Variants in PPFIA4 observed in about 807,000 individuals in gnomAD.
The protein encoded by PPFIA4 is liprin-alpha-4.
PPFIA4 carries 98 observed loss-of-function variants against 145.7 expected under a neutral mutation model. The observed-to-expected ratio is 0.67, with a 90% CI of 0.57 to 0.80. The LOEUF (loss-of-function observed/expected upper bound fraction) is 0.80, where lower values mean the gene tolerates loss of function less well. Ranked by LOEUF, PPFIA4 falls within the 30% of genes least tolerant of loss-of-function variation. The probability of loss-of-function intolerance (pLI) is 0.00; values close to 1 mark genes in which losing one functional copy is unlikely to be tolerated. For missense variants in PPFIA4, 1,457 were observed against 1,632.7 expected (o/e 0.89, Z 1.85); for synonymous variants, 628 against 649.6 (o/e 0.97, Z 0.51).
At position 203,048,359 on chromosome 1, in the gene PPFIA4, G is replaced by A. The variant is rs950373544; in HGVS notation, c.1224+49G>A. On this transcript the variant is annotated intron_variant, in intron 10 of 29. Transcript: ENST00000295706. This position sits in a 1 kb window ranked among gnomAD's most constrained non-coding sequence, Gnocchi z 5.8. ...CAGGCCCCCTCCTTCCCGCAGGACAGGCTCCCAGGGCGGTCTGTGGAAGGG... is the reference window on the plus strand; with the variant it reads ...CAGGCCCCCTCCTTCCCGCAGGACAAGCTCCCAGGGCGGTCTGTGGAAGGG... The A allele has an allele frequency of 7.6e-6, 12 of 1,584,272 alleles. No individual in the cohort carries two copies. Among genetic ancestry groups the A allele is most frequent in the Non-Finnish European group, 1.0e-5 (12 of 1,162,932 alleles).
chr1:203,076,485 A>G lies in PPFIA4; in HGVS notation c.*95A>G. The G allele has an allele frequency of 7.8e-7, 1 of 1,274,062 alleles. No homozygotes were observed. Among genetic ancestry groups the G allele is most frequent in the Non-Finnish European group, 1.1e-6 (1 of 887,696 alleles). 78.9% of individuals were successfully genotyped at this position (1,274,062 alleles called of 1,614,324 possible). ...CGTTCCCCTTCCTTCCGCAGCTCCT[A>G]GTCTCGTCCGTGACTTTCCGGTTGC... On this transcript the variant is annotated 3_prime_UTR_variant, in exon 30 of 30. Transcript: ENST00000295706.
At chr1:203,070,655 T>C (rs1346770779) in intron 27 of PPFIA4, among the ~76,000 whole-genome samples, 2 of 151,628 alleles carry the variant, frequency 1.3e-5, no homozygotes. Flanking sequence ...GTTTTTGGCA[T>C]TTCTGAAAAC....
Position 203,075,683 on chromosome 1 carries a change from C to T in PPFIA4, c.3500C>T (p.Pro1167Leu), listed in dbSNP as rs1429089497. 1.3e-6 allele frequency: 2 copies of T among 1,493,786 alleles called. No homozygotes were observed. The highest frequency in any genetic ancestry group is 1.8e-6 in the Non-Finnish European group (2 of 1,119,494). The allele number at this position is 1,493,786 out of a possible 1,614,324, so 92.5% of individuals were successfully genotyped here. Residue 1167 changes from proline to leucine, a missense_variant, in exon 29 of 30, where the codon CCG (proline) becomes CTG (leucine). By Grantham distance (98) the Pro-to-Leu change is moderately conservative. Around this residue, in one of 3 missense-constraint regions of PPFIA4, gnomAD observed 146 missense variants for 126.2 expected, o/e 1.16. Coordinates refer to ENST00000295706, the MANE Select transcript of PPFIA4 (RefSeq NM_001304331.2). The surrounding 1 kb of genome is among the most constrained non-coding windows in gnomAD (Gnocchi z 4.1). ...GMLSASAETL[P>L]AGFRVSTLGT... Reference sequence around the variant, plus strand: ...CTCAGCGCTTCCGCGGAGACCCTCCCGGCGGGCTTCCGTGTGTCCACCCTG... The same window carrying T: ...CTCAGCGCTTCCGCGGAGACCCTCCTGGCGGGCTTCCGTGTGTCCACCCTG...
At chr1:203,064,495 T>G (rs1213026515) in intron 25 of PPFIA4, among the ~76,000 whole-genome samples, 1 of 152,162 alleles carries the variant, frequency 6.6e-6, no homozygotes, top group Non-Finnish European at 1.5e-5. Context: ...TTATAGGATA[T>G]CATCCAGTCC....
chr1:203,030,413 G>A (rs552567184), intron 1 of PPFIA4, among the ~76,000 whole-genome samples: 32 of 152,306 alleles, frequency 2.1e-4, no homozygotes, highest in African/African-American at 7.2e-4. Context: ...GAGCTGTTCC[G>A]TGAGGAGTGG....
Position 203,048,123 on chromosome 1 carries a change from G to A in PPFIA4, c.1141-104G>A, listed in dbSNP as rs1267374545. ...AGGCTGAGCGTCACTGGTACTGGGG[G>A]CCATGATCCCCAGGGCCACCCTGGC... On this transcript the variant is annotated intron_variant, in intron 9 of 29. Transcript: ENST00000295706. The surrounding 1 kb of genome is among the most constrained non-coding windows in gnomAD (Gnocchi z 5.8). The A allele has an allele frequency of 1.0e-5, 10 of 993,102 alleles. No homozygotes were observed. 61.5% of individuals were successfully genotyped at this position (993,102 alleles called of 1,614,324 possible).
At chr1:203,076,252 T>G in intron 29 of PPFIA4, 89 bp from the exon 30 acceptor site, 2 of 1,421,386 alleles carry the variant, frequency 1.4e-6, no homozygotes, top group Non-Finnish European at 2.0e-6. Context: ...CACGCTGCGT[T>G]GCCGCTGTCG....
At position 203,048,324 on chromosome 1, in the gene PPFIA4, G is replaced by A. The variant is rs1330910975; in HGVS notation, c.1224+14G>A. The A allele has an allele frequency of 6.2e-7, 1 of 1,610,498 alleles. No homozygotes were observed. The highest frequency in any genetic ancestry group is 8.5e-7 in the Non-Finnish European group (1 of 1,178,790). ...GAGCTGGCACGGGTGAGGGCACCAG[G>A]CCGGGCCCTCAGGCCCCCTCCTTCC... On this transcript the variant is annotated intron_variant, in intron 10 of 29. Transcript: ENST00000295706. This position sits in a 1 kb window ranked among gnomAD's most constrained non-coding sequence, Gnocchi z 5.8.
rs1401396844 is a variant in PPFIA4, at chr1:203,075,436, G to A, written c.3394-141G>A. ...AGATGGAAAAACTCAAGGCTAGAAA[G>A]GGGAAGTGACCTCGCTCCCTCTTTC... On this transcript the variant is annotated intron_variant, in intron 28 of 29. Coordinates refer to ENST00000295706, the MANE Select transcript of PPFIA4 (RefSeq NM_001304331.2). This position sits in a 1 kb window ranked among gnomAD's most constrained non-coding sequence, Gnocchi z 4.1. 1.8e-6 allele frequency: 1 copy of A among 570,834 alleles called. No homozygotes were observed. The highest frequency in any genetic ancestry group is 1.9e-5 in the African/African-American group (1 of 51,416). The allele number at this position is 570,834 out of a possible 1,614,324, so 35.4% of individuals were successfully genotyped here.
chr1:203,046,007 TGG>T lies in PPFIA4; in HGVS notation c.1005+23_1005+24del, dbSNP rs749861745. On this transcript the variant is annotated intron_variant, in intron 8 of 29. Coordinates refer to ENST00000295706, the MANE Select transcript of PPFIA4 (RefSeq NM_001304331.2). The stretch of plus-strand genomic sequence containing the variant: ...CGCCAGGTACCTCCTCAGGGTGGGG[TGG>T]GGATGGGCATTGTACTTAGCCCTGG... 1 of 1,611,200 alleles carries T rather than the reference TGG, an allele frequency of 6.2e-7. No homozygotes were observed. The highest frequency in any genetic ancestry group is 8.5e-7 in the Non-Finnish European group (1 of 1,179,562).
chr1:203,066,555 G>A (rs1661742831), intron 25 of PPFIA4, among the ~76,000 whole-genome samples: 1 of 152,208 alleles, frequency 6.6e-6, no homozygotes, highest in Non-Finnish European at 1.5e-5. Flanking sequence ...GCCTTGAGAA[G>A]TAATGAGTTC....
At chr1:203,044,260 C>A in intron 4 of PPFIA4, 119 bp from the exon 5 acceptor site, 1 of 1,170,226 alleles carries the variant, frequency 8.5e-7, no homozygotes, top group East Asian at 2.6e-5. Flanking sequence ...TGCAAATGTG[C>A]TGCTTAGTAG....
intron 1 of PPFIA4, among the ~76,000 whole-genome samples, chr1:203,032,426 C>CTTTTTTTT (rs67178955): frequency 6.7e-5 from 4 of 59,480 alleles, no homozygotes; most frequent in East Asian, 2.8e-4. Context: ...CCCTTCCCCG[C>CTTTTTTTT]TTTTTTGTTG....
In PPFIA4 at chr1:203,068,197, G is replaced by T. The variant is rs1003601837; in HGVS notation, c.3149-256G>T. Among the ~76,000 whole-genome samples, 2 of 152,192 alleles carry T rather than the reference G, an allele frequency of 1.3e-5. No individual in the cohort carries two copies. Among genetic ancestry groups the T allele is most frequent in the African/African-American group, 4.8e-5 (2 of 41,438 alleles). ...GGGATGACCCGTGCAAGGGTTCTGGGGAGAAAGCTTGGAGCCTGTTGGCCT... is the reference window on the plus strand; with the variant it reads ...GGGATGACCCGTGCAAGGGTTCTGGTGAGAAAGCTTGGAGCCTGTTGGCCT... On this transcript the variant is annotated intron_variant, in intron 26 of 29. Coordinates refer to ENST00000295706, the MANE Select transcript of PPFIA4 (RefSeq NM_001304331.2). The surrounding 1 kb of genome is among the most constrained non-coding windows in gnomAD (Gnocchi z 4.7).
At chr1:203,061,794 T>C in intron 24 of PPFIA4, 116 bp downstream of exon 24, 1 of 1,105,040 alleles carries the variant, frequency 9.0e-7, no homozygotes, top group Non-Finnish European at 1.3e-6. Context: ...GCCCTGGACA[T>C]AGGTTCTCTG....
chr1:203,041,379 G>A (rs1311725547), intron 2 of PPFIA4, among the ~76,000 whole-genome samples: 1 of 152,204 alleles, frequency 6.6e-6, no homozygotes, highest in Non-Finnish European at 1.5e-5. Flanking sequence ...ACTGCTTGAG[G>A]TCAGAAGTTC....
chr1:203,054,243 C>T (rs1660753521), intron 15 of PPFIA4: 1 of 631,080 alleles, frequency 1.6e-6, no homozygotes, highest in African/African-American at 1.8e-5. Context: ...CTGATCTTAA[C>T]CACTAAGAGT....
Position 203,048,699 on chromosome 1 carries a change from T to A in PPFIA4, c.1341T>A (p.Ala447=). Residue 447 remains alanine, a synonymous_variant, in exon 11 of 30, where the codon GCT becomes GCA. Coordinates refer to ENST00000295706, the MANE Select transcript of PPFIA4 (RefSeq NM_001304331.2). The surrounding 1 kb of genome is among the most constrained non-coding windows in gnomAD (Gnocchi z 5.8). ...RLQLHLKERM[A]ALEEKNTLIQ... Reference sequence around the variant, plus strand: ...AGCTCCACCTGAAGGAGCGCATGGCTGCCCTGGAGGAGAAGGTGCCCAGAG... The same window carrying A: ...AGCTCCACCTGAAGGAGCGCATGGCAGCCCTGGAGGAGAAGGTGCCCAGAG... 1 of 1,590,502 alleles carries A rather than the reference T, an allele frequency of 6.3e-7. No homozygotes were observed. The highest frequency in any genetic ancestry group is 1.4e-5 in the African/African-American group (1 of 72,664).
rs192884361 is a variant in PPFIA4, at chr1:203,078,512, G to A, written c.*2122G>A. ...AGAGAACTCTGTGCAAACAGTGATG[G>A]AAGGCTGTTGTCTTGGTGTATCCCT... On this transcript the variant is annotated 3_prime_UTR_variant, in exon 30 of 30. Coordinates refer to ENST00000295706, the MANE Select transcript of PPFIA4 (RefSeq NM_001304331.2). 528 of 152,734 alleles carry A rather than the reference G, an allele frequency of 3.5e-3. 2 individuals carry two copies. Among genetic ancestry groups the A allele is most frequent in the Non-Finnish European group, 5.4e-3 (366 of 68,034 alleles). 9.5% of individuals were successfully genotyped at this position (152,734 alleles called of 1,614,324 possible).
Sources: gnomAD v4.1 joint callset for allele counts (sites outside exome capture counted in the v4.1 genomes callset) on GRCh38, gnomAD v4.1.1 for gene constraint, gnomAD v4.1.1 regional missense constraint, Gnocchi (gnomAD v3.1) non-coding constraint, MANE v1.5 for transcripts, NCBI Gene and HGNC (gene_info 2026-07-23, HGNC 2026-07-21) for gene names.